The following STOX2 variants were observed in gnomAD, a reference collection of about 807,000 sequenced individuals.
STOX2 encodes storkhead box 2.
Under a neutral mutation model 60.9 loss-of-function variants are expected in STOX2, and 28 were observed. The observed-to-expected ratio is 0.46, with a 90% CI of 0.34 to 0.63. The LOEUF (loss-of-function observed/expected upper bound fraction) is 0.63. STOX2 is among the 30% of genes least tolerant of loss of function. The pLI, the probability that STOX2 is intolerant of heterozygous loss-of-function variation, is 0.01. For synonymous variants in STOX2, 472 were observed against 463.9 expected, an observed-to-expected ratio of 1.02 and a Z score of -0.22; for missense variants, 1,024 against 1,187.7, an observed-to-expected ratio of 0.86 and a Z score of 2.03.
At chr4:183,872,705 C>A (rs895300649) in intron 1 of STOX2, among the ~76,000 whole-genome samples, 1 of 152,068 alleles carries the variant, frequency 6.6e-6, no homozygotes, top group African/African-American at 2.4e-5. Flanking sequence ...TGCTTTGGGC[C>A]AATAGCTGAG....
intron 1 of STOX2, among the ~76,000 whole-genome samples, chr4:183,998,137 T>C (rs1231837717): frequency 6.6e-6 from 1 of 152,188 alleles, no homozygotes; most frequent in African/African-American, 2.4e-5. Context: ...TATTTTTGTA[T>C]CTTTCATCTT....
chr4:183,888,290 G>A (rs927868339), intron 1 of STOX2, among the ~76,000 whole-genome samples: 2 of 152,106 alleles, frequency 1.3e-5, no homozygotes, highest in African/African-American at 2.4e-5. Context: ...TCTCTACCAG[G>A]CATTGTTCTA....
intron 1 of STOX2, among the ~76,000 whole-genome samples, chr4:183,936,643 A>T (rs2111123019): frequency 6.6e-6 from 1 of 152,346 alleles, no homozygotes; most frequent in East Asian, 1.9e-4. Flanking sequence ...ATAATTTTTT[A>T]AAAACTAAGA....
intron 1 of STOX2, among the ~76,000 whole-genome samples, chr4:183,999,306 G>A (rs1022287178): frequency 3.3e-5 from 5 of 152,002 alleles, no homozygotes; most frequent in African/African-American, 9.7e-5. Context: ...GTTCACACTC[G>A]GTCTCGCCTG....
chr4:183,845,221 A>C (rs1739959465), intron 1 of STOX2, among the ~76,000 whole-genome samples: 1 of 152,152 alleles, frequency 6.6e-6, no homozygotes, highest in Non-Finnish European at 1.5e-5. Flanking sequence ...GCTTCTGGGT[A>C]GGGGATGGAT....
At chr4:183,932,632 CT>C (rs1163465994) in intron 1 of STOX2, among the ~76,000 whole-genome samples, 1 of 152,108 alleles carries the variant, frequency 6.6e-6, no homozygotes, top group Non-Finnish European at 1.5e-5. Context: ...CTTTTAATCC[CT>C]GTGAAGATCT....
intron 1 of STOX2, among the ~76,000 whole-genome samples, chr4:183,835,595 T>C (rs941157119): frequency 1.2e-4 from 19 of 152,198 alleles, no homozygotes; most frequent in Admixed American, 1.2e-3. Context: ...AATTAATTAA[T>C]GTCTGTCTGT....
intron 1 of STOX2, among the ~76,000 whole-genome samples, chr4:183,886,741 T>G (rs1221422063): frequency 6.6e-6 from 1 of 152,158 alleles, no homozygotes; most frequent in African/African-American, 2.4e-5. Context: ...CTTTTCTTTT[T>G]GAACAGCCAT....
intron 1 of STOX2, among the ~76,000 whole-genome samples, chr4:183,810,732 C>T (rs146530871): frequency 1.6e-3 from 249 of 152,130 alleles, no homozygotes; most frequent in African/African-American, 5.9e-3. Context: ...CCACCCCCAC[C>T]CCATGCAATG....
chr4:183,986,617 A>T (rs560185070), intron 1 of STOX2, among the ~76,000 whole-genome samples: 224 of 152,360 alleles, frequency 1.5e-3, no homozygotes, highest in African/African-American at 4.9e-3. Flanking sequence ...GCTAGAGAAG[A>T]GCTGATCTGG....
At position 183,825,397 on chromosome 4, in the gene STOX2, C is replaced by T. The variant is rs758273949; in HGVS notation, c.364+27342C>T. On this transcript the variant is annotated intron_variant, in intron 1 of 2. Coordinates refer to the STOX2 transcript ENST00000513034. This position sits in a 1 kb window ranked among gnomAD's most constrained non-coding sequence, Gnocchi z 4.1. ...GCCTTCACACAGCTGGGCCATCCCT[C>T]GTGTGGCGCGTGCTGCAGATGGCAG... Among the ~76,000 whole-genome samples, 3 of 152,246 alleles carry T rather than the reference C, an allele frequency of 2.0e-5. No individual in the cohort carries two copies. The highest frequency in any genetic ancestry group is 2.9e-5 in the Non-Finnish European group (2 of 68,022).
At chr4:183,834,585 G>C (rs950592486) in intron 1 of STOX2, among the ~76,000 whole-genome samples, 3 of 152,136 alleles carry the variant, frequency 2.0e-5, no homozygotes, top group Admixed American at 2.0e-4. Flanking sequence ...AAGGAAGGCT[G>C]TTGGCTCTAC....
intron 1 of STOX2, among the ~76,000 whole-genome samples, chr4:183,920,535 C>A (rs1388838657): frequency 6.6e-6 from 1 of 152,194 alleles, no homozygotes; most frequent in Non-Finnish European, 1.5e-5. Flanking sequence ...GGGCTCCTTG[C>A]ATATTCTAAC....
chr4:183,870,455 C>T lies in STOX2; in HGVS notation c.364+72400C>T, dbSNP rs1218776849. 5.8e-4 allele frequency among the ~76,000 whole-genome samples: 88 copies of T among 152,160 alleles called. 3 individuals are homozygous for T. Among genetic ancestry groups the T allele is most frequent in the Non-Finnish European group, 4.4e-5 (3 of 68,034 alleles). On this transcript the variant is annotated intron_variant, in intron 1 of 2. Transcript: ENST00000513034. The stretch of plus-strand genomic sequence containing the variant: ...TAGCCTTGCACTTTTAGTCATTTCA[C>T]CTACATTAGAGATTATGTTGGTTTT...
intron 1 of STOX2, among the ~76,000 whole-genome samples, chr4:183,958,522 A>G (rs1281792216): frequency 6.6e-6 from 1 of 151,958 alleles, no homozygotes; most frequent in Non-Finnish European, 1.5e-5. Context: ...CTGCTTTTCC[A>G]ACTTCCAAAA....
At chr4:183,975,242 G>A (rs1365107906) in intron 1 of STOX2, among the ~76,000 whole-genome samples, 1 of 151,842 alleles carries the variant, frequency 6.6e-6, no homozygotes, top group Non-Finnish European at 1.5e-5. Context: ...AAGAAAAAAA[G>A]AACTGCAATG....
intron 1 of STOX2, among the ~76,000 whole-genome samples, chr4:183,930,061 C>T (rs1468918238): frequency 2.0e-5 from 3 of 151,920 alleles, no homozygotes; most frequent in African/African-American, 7.3e-5. Flanking sequence ...GATGGAGTTT[C>T]ACCGTATTAG....
Position 183,926,676 on chromosome 4 carries a change from T to C in STOX2, c.166+19720T>C, listed in dbSNP as rs1183286477. Among the ~76,000 whole-genome samples, 3 of 151,640 alleles carry C rather than the reference T, an allele frequency of 2.0e-5. No individual in the cohort carries two copies. In the East Asian group the frequency reaches 5.8e-4, roughly 29 times the overall value. On this transcript the variant is annotated intron_variant, in intron 1 of 3. Transcript: ENST00000308497. ...TCTTGTTCTGTCACCCAGGCTGGAGTGTAGTGGCACAATATTGGCTCACTG... is the reference window on the plus strand; with the variant it reads ...TCTTGTTCTGTCACCCAGGCTGGAGCGTAGTGGCACAATATTGGCTCACTG...
chr4:183,888,384 C>T (rs770451278), intron 1 of STOX2, among the ~76,000 whole-genome samples: 2 of 152,216 alleles, frequency 1.3e-5, no homozygotes, highest in African/African-American at 2.4e-5. Flanking sequence ...GCCGGGGAAA[C>T]TGAGGCCCAG....
Sources: allele counts gnomAD v4.1 joint callset (sites outside exome capture counted in the v4.1 genomes callset), GRCh38; gene constraint gnomAD v4.1.1; non-coding constraint Gnocchi (gnomAD v3.1); transcripts MANE v1.5; gene names NCBI Gene and HGNC (gene_info 2026-07-23, HGNC 2026-07-21).